The following PDE4D variants were observed in gnomAD, a reference collection of about 807,000 sequenced individuals.
The protein encoded by PDE4D is phosphodiesterase 4D.
PDE4D carries 24 observed loss-of-function variants against 87.4 expected under a neutral mutation model. The ratio of observed to expected loss-of-function variants is 0.27; its 90% CI spans 0.20 to 0.39. PDE4D has a LOEUF of 0.39. Ranked by LOEUF, PDE4D falls within the 10% of genes least tolerant of loss-of-function variation. The probability of loss-of-function intolerance (pLI) is 1.00; values close to 1 mark genes in which losing one functional copy is unlikely to be tolerated. For synonymous variants in PDE4D, 384 were observed against 383.2 expected, an observed-to-expected ratio of 1.00 and a Z score of -0.02; for missense variants, 714 against 1,041.0, an observed-to-expected ratio of 0.69 and a Z score of 4.32.
chr5:60,270,640 C>T (rs1173878883), intron 1 of PDE4D, among the ~76,000 whole-genome samples: 2 of 152,036 alleles, frequency 1.3e-5, no homozygotes, highest in Non-Finnish European at 2.9e-5. Flanking sequence ...TAAAACACCA[C>T]CAGGAGGAAG....
chr5:59,637,136 T>C (rs1350644653), intron 1 of PDE4D, among the ~76,000 whole-genome samples: 2 of 152,014 alleles, frequency 1.3e-5, no homozygotes, highest in Non-Finnish European at 2.9e-5. Flanking sequence ...TGAACAAGCA[T>C]ATGAAAAAAG....
intron 1 of PDE4D, among the ~76,000 whole-genome samples, chr5:59,351,283 A>G (rs1352159951): frequency 6.6e-6 from 1 of 152,164 alleles, no homozygotes; most frequent in African/African-American, 2.4e-5. Context: ...TTGGCTCTAG[A>G]GCCAAAGTTC....
chr5:60,479,293 T>C (rs568816796), intron 1 of PDE4D, among the ~76,000 whole-genome samples: 9 of 152,288 alleles, frequency 5.9e-5, no homozygotes, highest in African/African-American at 2.2e-4. Flanking sequence ...AGCTATATAA[T>C]TTTGCATCAT....
chr5:59,963,795 G>A lies in PDE4D; in HGVS notation c.272+24693C>T, dbSNP rs181491699. 2.2e-3 allele frequency among the ~76,000 whole-genome samples: 332 copies of A among 152,106 alleles called. 1 individual carries two copies. The highest frequency in any genetic ancestry group is 7.8e-3 in the African/African-American group (323 of 41,502). ...GAGAAACACAGCCCTATTCAGAGTGGGATGGCTTGTTTCCTGCCTTGAGTT... is the reference window on the plus strand; with the variant it reads ...GAGAAACACAGCCCTATTCAGAGTGAGATGGCTTGTTTCCTGCCTTGAGTT... On this transcript the variant is annotated intron_variant, in intron 3 of 16. Coordinates refer to the PDE4D transcript ENST00000502484.
At chr5:60,505,871 T>C (rs1420474506) in intron 1 of PDE4D, among the ~76,000 whole-genome samples, 1 of 152,238 alleles carries the variant, frequency 6.6e-6, no homozygotes, top group Non-Finnish European at 1.5e-5. Context: ...TCTTATCTAA[T>C]ACATGTATCT....
chr5:59,243,880 C>A (rs1256139027), intron 1 of PDE4D, among the ~76,000 whole-genome samples: 1 of 151,778 alleles, frequency 6.6e-6, no homozygotes, highest in Non-Finnish European at 1.5e-5. Flanking sequence ...AAAAATTTTG[C>A]CAAAGTAATT....
intron 1 of PDE4D, among the ~76,000 whole-genome samples, chr5:59,547,053 G>T (rs1817391545): frequency 6.6e-6 from 1 of 152,096 alleles, no homozygotes; most frequent in South Asian, 2.1e-4. Flanking sequence ...TTCTGACTGT[G>T]TTGCCTATGA....
chr5:59,665,609 T>C (rs1032301011), intron 1 of PDE4D, among the ~76,000 whole-genome samples: 5 of 152,076 alleles, frequency 3.3e-5, no homozygotes, highest in African/African-American at 1.2e-4. Context: ...ACTTAGAGAG[T>C]ACAAATAAGC....
intron 1 of PDE4D, chr5:60,521,424 C>A (rs1183011902): frequency 2.0e-5 from 3 of 152,192 alleles, no homozygotes; most frequent in Non-Finnish European, 2.9e-5. Flanking sequence ...TCCTTTCTGA[C>A]ATCATCCTAT....
chr5:59,699,316 T>C (rs1263862011), intron 1 of PDE4D, among the ~76,000 whole-genome samples: 1 of 152,132 alleles, frequency 6.6e-6, no homozygotes. Context: ...TATAGCTTCA[T>C]AGCTGGTGGT....
intron 1 of PDE4D, among the ~76,000 whole-genome samples, chr5:59,505,676 CAGAG>C (rs1391512658): frequency 5.3e-5 from 8 of 152,190 alleles, no homozygotes; most frequent in African/African-American, 1.9e-4. Context: ...CAGCAGTTGT[CAGAG>C]ATAGAATTTC....
At chr5:59,076,255 C>T (rs950017182) in intron 5 of PDE4D, among the ~76,000 whole-genome samples, 1 of 152,048 alleles carries the variant, frequency 6.6e-6, no homozygotes, top group Non-Finnish European at 1.5e-5. Context: ...AAGAGGAGCT[C>T]CTTGGCAGAT....
chr5:59,940,362 C>T (rs1407060857), intron 3 of PDE4D, among the ~76,000 whole-genome samples: 8 of 152,086 alleles, frequency 5.3e-5, no homozygotes, highest in Admixed American at 4.6e-4. Context: ...TAGGAGGGTG[C>T]TCCTAATTTG....
intron 6 of PDE4D, among the ~76,000 whole-genome samples, chr5:59,033,973 A>G (rs1374969307): frequency 2.0e-5 from 3 of 152,162 alleles, no homozygotes; most frequent in Non-Finnish European, 4.4e-5. Context: ...GAGACAAGTT[A>G]AGATTTGTTT....
rs192458391 is a variant in PDE4D at position 60,066,582 on chromosome 5, T to C, written c.43-77865A>G. 2.6e-5 allele frequency among the ~76,000 whole-genome samples: 3 copies of C among 114,112 alleles called. No homozygotes were observed. In the Admixed American group the frequency reaches 3.0e-4, roughly 11 times the overall value. The allele number at this position is 114,112 out of a possible 152,430, so 74.9% of individuals were successfully genotyped here. A position where few individuals can be genotyped will look rare whatever the true frequency, so the allele number is the denominator to read the frequency against. ...CATTTTGTAGTGTGCAGCTCCTTCC[T>C]AAAGCAAATTATCATCATCATCATC... On this transcript the variant is annotated intron_variant, in intron 2 of 16. Coordinates refer to the PDE4D transcript ENST00000502484.
intron 4 of PDE4D, among the ~76,000 whole-genome samples, chr5:59,182,156 G>A (rs62357977): frequency 0.093 from 14,154 of 152,046 alleles, 850 homozygotes; most frequent in Admixed American, 0.15. Flanking sequence ...GGAAAAATGG[G>A]GAGAATTTAA....
chr5:60,507,422 T>C (rs1750372487), intron 1 of PDE4D, among the ~76,000 whole-genome samples: 1 of 152,172 alleles, frequency 6.6e-6, no homozygotes, highest in South Asian at 2.1e-4. Context: ...GATTCCTAGT[T>C]TTCATATTAT....
intron 1 of PDE4D, among the ~76,000 whole-genome samples, chr5:59,387,100 A>G (rs1196748609): frequency 6.6e-6 from 1 of 152,136 alleles, no homozygotes; most frequent in African/African-American, 2.4e-5. Flanking sequence ...TTTTAAATCT[A>G]TCTTTTTTAT....
At chr5:60,137,461 T>A (rs1042234481) in intron 2 of PDE4D, among the ~76,000 whole-genome samples, 1 of 152,144 alleles carries the variant, frequency 6.6e-6, no homozygotes, top group Non-Finnish European at 1.5e-5. Context: ...GCATCTGTTG[T>A]TTTTTGACTT....
Sources: gnomAD v4.1 joint callset for allele counts (sites outside exome capture counted in the v4.1 genomes callset) on GRCh38, gnomAD v4.1.1 for gene constraint, MANE v1.5 for transcripts, NCBI Gene and HGNC (gene_info 2026-07-23, HGNC 2026-07-21) for gene names.